DMD: variants seen among roughly 807,000 people sequenced by gnomAD.
DMD encodes mutant dystrophin.
A neutral mutation model predicts 330.1 loss-of-function variants in DMD; 63 were observed. The observed-to-expected ratio is 0.19, with a 90% CI of 0.16 to 0.24. DMD has a LOEUF of 0.24. Among genes scored for constraint, DMD ranks in the 10% least tolerant of loss-of-function variants. The pLI, the probability that DMD is intolerant of heterozygous loss-of-function variation, is 1.00. For synonymous variants in DMD, 1,223 were observed against 959.8 expected (o/e 1.27, Z -5.07); for missense variants, 3,344 against 2,684.1 (o/e 1.25, Z -5.43).
At chrX:32,809,418 A>G in intron 7 of DMD, 75 bp downstream of exon 7, 5 of 864,516 alleles carry the variant, frequency 5.8e-6, no homozygotes, top group Non-Finnish European at 8.6e-6. Flanking sequence ...TATTTTGTGT[A>G]GAAATGACAA....
intron 44 of DMD, among the ~76,000 whole-genome samples, chrX:32,128,305 G>T (rs962832833): frequency 3.7e-4 from 41 of 111,676 alleles, no homozygotes; most frequent in African/African-American, 1.2e-3. Flanking sequence ...TGTAACAAAT[G>T]CCTAGGGTGG....
At chrX:31,961,826 A>C (rs761322937) in intron 45 of DMD, among the ~76,000 whole-genome samples, 2 of 104,707 alleles carry the variant, frequency 1.9e-5, no homozygotes, top group East Asian at 6.0e-4. Context: ...GGTCATTCAA[A>C]GCTTCAGACA....
At chrX:32,492,218 G>A (rs2043071933) in intron 19 of DMD, among the ~76,000 whole-genome samples, 1 of 111,247 alleles carries the variant, frequency 9.0e-6, no homozygotes, top group Admixed American at 9.5e-5. Flanking sequence ...GGCGCCTGGG[G>A]TTCCAGCTAC....
intron 43 of DMD, among the ~76,000 whole-genome samples, chrX:32,280,979 C>T (rs1253776336): frequency 3.6e-5 from 4 of 112,275 alleles, no homozygotes; most frequent in Non-Finnish European, 7.5e-5. Flanking sequence ...ACTTTCTCTT[C>T]GAATCTGATT....
chrX:32,586,424 G>A (rs2054294740), intron 13 of DMD, among the ~76,000 whole-genome samples: 1 of 107,920 alleles, frequency 9.3e-6, no homozygotes, highest in African/African-American at 3.4e-5. Context: ...GCAATTGAGT[G>A]GGACAGGTGC....
intron 63 of DMD, among the ~76,000 whole-genome samples, chrX:31,232,642 G>A: frequency 9.0e-6 from 1 of 111,481 alleles, no homozygotes; most frequent in East Asian, 2.8e-4. Flanking sequence ...AAAATACAAG[G>A]ACTGGTTGAA....
At chrX:32,137,646 G>A (rs745435907) in intron 44 of DMD, among the ~76,000 whole-genome samples, 317 of 110,545 alleles carry the variant, frequency 2.9e-3, no homozygotes, top group African/African-American at 9.7e-3. Context: ...TTTGGACTAG[G>A]GAGTACCTAT....
At chrX:32,887,351 A>AAAAAT (rs1557116866) in intron 2 of DMD, among the ~76,000 whole-genome samples, 61 of 110,250 alleles carry the variant, frequency 5.5e-4, no homozygotes, top group African/African-American at 2.0e-3. Flanking sequence ...CATCTCAAAA[A>AAAAAT]AAATAAATAA....
intron 2 of DMD, among the ~76,000 whole-genome samples, chrX:32,890,489 A>G (rs982278510): frequency 1.8e-5 from 2 of 110,556 alleles, no homozygotes; most frequent in African/African-American, 6.6e-5. Context: ...CCCTTAATCC[A>G]TCATAAACAG....
At chrX:31,972,816 A>C (rs2095409395) in intron 44 of DMD, among the ~76,000 whole-genome samples, 1 of 111,680 alleles carries the variant, frequency 9.0e-6, no homozygotes. Flanking sequence ...GAGAGTTGTG[A>C]AACAGACTTT....
chrX:33,025,134 T>A (rs776601816), intron 1 of DMD, among the ~76,000 whole-genome samples: 2 of 111,864 alleles, frequency 1.8e-5, no homozygotes, highest in Admixed American at 1.9e-4. Flanking sequence ...GAAAGGAATA[T>A]GTAGCCACAT....
At chrX:31,450,066 T>C (rs2065610782) in intron 59 of DMD, among the ~76,000 whole-genome samples, 1 of 110,232 alleles carries the variant, frequency 9.1e-6, no homozygotes, top group African/African-American at 3.3e-5. Context: ...CTGTCTACCA[T>C]GAATCCTTGT....
chrX:32,590,436 T>C (rs1374255821), intron 13 of DMD, among the ~76,000 whole-genome samples: 1 of 111,303 alleles, frequency 9.0e-6, no homozygotes, highest in African/African-American at 3.3e-5. Context: ...TTCTTCCGGG[T>C]GTGTCTGTGA....
At chrX:31,822,612 A>ACT (rs1228059313) in intron 49 of DMD, among the ~76,000 whole-genome samples, 2 of 98,476 alleles carry the variant, frequency 2.0e-5, no homozygotes, top group Non-Finnish European at 4.0e-5. Context: ...GGAAGTGGTC[A>ACT]GCTGGACTGA....
chrX:32,044,260 G>C (rs1219888584), intron 44 of DMD, among the ~76,000 whole-genome samples: 1 of 110,247 alleles, frequency 9.1e-6, no homozygotes, highest in African/African-American at 3.3e-5. Context: ...GAAAATTGTG[G>C]CTCATGAGAA....
At chrX:31,563,526 A>AT (rs2075310628) in intron 55 of DMD, among the ~76,000 whole-genome samples, 1 of 111,927 alleles carries the variant, frequency 8.9e-6, no homozygotes, top group Non-Finnish European at 1.9e-5. Context: ...GACATTTATT[A>AT]TTTTTCATGC....
At chrX:31,602,926 C>T (rs768273813) in intron 55 of DMD, among the ~76,000 whole-genome samples, 3 of 112,023 alleles carry the variant, frequency 2.7e-5, no homozygotes, top group African/African-American at 6.5e-5. Flanking sequence ...CATACATTCA[C>T]GCTCCAGCCA....
intron 55 of DMD, among the ~76,000 whole-genome samples, chrX:31,547,934 C>T (rs1177939750): frequency 8.9e-6 from 1 of 111,822 alleles, no homozygotes; most frequent in African/African-American, 3.2e-5. Context: ...TCTGAGGCAC[C>T]TTGCAGAACT....
chrX:33,040,741 C>A (rs928494799), intron 1 of DMD, among the ~76,000 whole-genome samples: 3 of 111,555 alleles, frequency 2.7e-5, no homozygotes, highest in African/African-American at 9.8e-5. Context: ...ACATATTTAC[C>A]TCATTCTCTA....
Sources: allele counts gnomAD v4.1 joint callset (sites outside exome capture counted in the v4.1 genomes callset), GRCh38; gene constraint gnomAD v4.1.1; transcripts MANE v1.5; gene names NCBI Gene and HGNC (gene_info 2026-07-23, HGNC 2026-07-21).